BTBD10: variants seen among roughly 807,000 people sequenced by gnomAD.
BTBD10 encodes the protein BTB domain containing 10.
Under a neutral mutation model 53.2 loss-of-function variants are expected in BTBD10, and 21 were observed. The ratio of observed to expected loss-of-function variants is 0.39; its 90% CI spans 0.28 to 0.57. BTBD10 has a LOEUF of 0.57. Among genes scored for constraint, BTBD10 ranks in the 20% least tolerant of loss-of-function variants. The pLI is 0.53. For synonymous variants in BTBD10, 149 were observed against 192.7 expected (o/e 0.77, Z 1.88); for missense variants, 360 against 594.7 (o/e 0.61, Z 4.10).
chr11:13,402,146 G>A (rs1949728269), intron 8 of BTBD10, among the ~76,000 whole-genome samples: 1 of 152,072 alleles, frequency 6.6e-6, no homozygotes, highest in Non-Finnish European at 1.5e-5. Context: ...TCATATATCA[G>A]CAATTCCACT....
chr11:13,398,637 T>G (rs1326361517), intron 8 of BTBD10, among the ~76,000 whole-genome samples: 1 of 152,238 alleles, frequency 6.6e-6, no homozygotes, highest in African/African-American at 2.4e-5. Context: ...CTTCCTAGCC[T>G]TGATGGTGTT....
intron 6 of BTBD10, among the ~76,000 whole-genome samples, chr11:13,407,786 C>A (rs1477361004): frequency 6.6e-6 from 1 of 152,190 alleles, no homozygotes; most frequent in Non-Finnish European, 1.5e-5. Flanking sequence ...GCTGAGGAGA[C>A]AGCACATGAC....
At chr11:13,398,992 A>C (rs1263936482) in intron 8 of BTBD10, among the ~76,000 whole-genome samples, 4 of 152,018 alleles carry the variant, frequency 2.6e-5, no homozygotes, top group African/African-American at 9.7e-5. Flanking sequence ...CCTTCATTTC[A>C]ACTTTGGTGA....
At chr11:13,403,377 A>C in intron 7 of BTBD10, 99 bp from the exon 8 acceptor site, 1 of 589,908 alleles carries the variant, frequency 1.7e-6, no homozygotes. Flanking sequence ...CAGTCCTAAA[A>C]GCCCAAATAA....
intron 8 of BTBD10, among the ~76,000 whole-genome samples, chr11:13,399,818 A>G (rs760916698): frequency 4.6e-5 from 7 of 152,254 alleles, no homozygotes; most frequent in Non-Finnish European, 1.0e-4. Context: ...TCCACTCCAG[A>G]CCCTGTTTAC....
chr11:13,447,149 T>G (rs1220178496), intron 1 of BTBD10, among the ~76,000 whole-genome samples: 1 of 152,058 alleles, frequency 6.6e-6, no homozygotes, highest in Non-Finnish European at 1.5e-5. Context: ...TCTCTTTATC[T>G]CTCCTCTTCT....
chr11:13,406,694 G>A (rs553785226), intron 6 of BTBD10, among the ~76,000 whole-genome samples: 4 of 151,484 alleles, frequency 2.6e-5, no homozygotes, highest in East Asian at 3.9e-4. Context: ...GAAGGAAGAC[G>A]CTAGAACTCA....
chr11:13,417,132 A>C, intron 5 of BTBD10, 26 bp downstream of exon 5: 2 of 1,547,372 alleles, frequency 1.3e-6, no homozygotes, highest in Non-Finnish European at 1.8e-6. Context: ...CTTATGATTA[A>C]GTCAATACTC....
At chr11:13,412,374 A>G (rs1307928041) in intron 6 of BTBD10, among the ~76,000 whole-genome samples, 1 of 151,982 alleles carries the variant, frequency 6.6e-6, no homozygotes, top group Non-Finnish European at 1.5e-5. Flanking sequence ...AATCCCTTGA[A>G]CTCAGGAAGC....
chr11:13,452,066 A>G (rs1185174046), intron 1 of BTBD10, among the ~76,000 whole-genome samples: 1 of 152,226 alleles, frequency 6.6e-6, no homozygotes, highest in African/African-American at 2.4e-5. Flanking sequence ...TCCATAGAAT[A>G]AAGAGCAAGA....
chr11:13,450,018 T>G (rs932626350), intron 1 of BTBD10, among the ~76,000 whole-genome samples: 1 of 152,302 alleles, frequency 6.6e-6, no homozygotes, highest in East Asian at 1.9e-4. Flanking sequence ...AGCTTTTCTA[T>G]TAATGTAAAA....
chr11:13,392,427 G>C (rs11022790), intron 8 of BTBD10, among the ~76,000 whole-genome samples: 23,012 of 152,050 alleles, frequency 0.15, 1,997 homozygotes, highest in Admixed American at 0.24. Context: ...TGTATGACTG[G>C]AGCAGAAAGT....
chr11:13,434,272 A>G (rs1220819775), intron 2 of BTBD10, among the ~76,000 whole-genome samples: 1 of 152,208 alleles, frequency 6.6e-6, no homozygotes, highest in Non-Finnish European at 1.5e-5. Context: ...CCAGATACTA[A>G]CATATGGTGA....
chr11:13,394,500 C>T (rs767104123), intron 8 of BTBD10, among the ~76,000 whole-genome samples: 2 of 152,088 alleles, frequency 1.3e-5, no homozygotes, highest in African/African-American at 4.8e-5. Flanking sequence ...CCAAATAAAC[C>T]TCTTTGCTTC....
At chr11:13,400,694 C>T (rs1949695863) in intron 8 of BTBD10, among the ~76,000 whole-genome samples, 1 of 58,640 alleles carries the variant, frequency 1.7e-5, no homozygotes, top group Admixed American at 1.7e-4. Flanking sequence ...GGCTCCACCC[C>T]CCAGAGGTAG....
At position 13,459,025 on chromosome 11, in the gene BTBD10, AATTT is replaced by A. The variant is rs1320185910; in HGVS notation, c.-58+4063_-58+4066del. 6.0e-4 allele frequency among the ~76,000 whole-genome samples: 89 copies of A among 147,176 alleles called. 1 individual carries two copies. The highest frequency in any genetic ancestry group is 2.5e-3 in the Admixed American group (38 of 15,026). On this transcript the variant is annotated intron_variant, in intron 1 of 8. Transcript: ENST00000278174. ...TCTCTGTCAGGTATCTGAGCATTAA[AATTT>A]ATTTATTTATTTATTTTTTTATTTA...
At chr11:13,411,367 G>C (rs1949939823) in intron 6 of BTBD10, among the ~76,000 whole-genome samples, 1 of 152,012 alleles carries the variant, frequency 6.6e-6, no homozygotes, top group African/African-American at 2.4e-5. Context: ...ATTCAGCAAA[G>C]GCATATATTT....
intron 1 of BTBD10, among the ~76,000 whole-genome samples, chr11:13,456,530 T>C (rs1033439605): frequency 6.6e-6 from 1 of 152,174 alleles, no homozygotes; most frequent in Non-Finnish European, 1.5e-5. Flanking sequence ...GAGAAAGCCT[T>C]TCCTATTTGC....
chr11:13,432,519 C>T (rs569330050), intron 2 of BTBD10, among the ~76,000 whole-genome samples: 108 of 152,050 alleles, frequency 7.1e-4, no homozygotes, highest in African/African-American at 2.4e-3. Context: ...TTTTTTGTGA[C>T]ATCTTGTAAA....
Sources: allele counts gnomAD v4.1 joint callset (sites outside exome capture counted in the v4.1 genomes callset), GRCh38; gene constraint gnomAD v4.1.1; transcripts MANE v1.5; gene names NCBI Gene and HGNC (gene_info 2026-07-23, HGNC 2026-07-21).